ZEB1: variants seen among roughly 807,000 people sequenced by gnomAD.
The protein encoded by ZEB1 is zinc finger E-box binding homeobox 1, also known as zinc finger E-box-binding homeobox 1.
A neutral mutation model predicts 84.9 loss-of-function variants in ZEB1; 21 were observed. The observed-to-expected ratio is 0.25, with a 90% CI of 0.18 to 0.36. The LOEUF is 0.36. ZEB1 is among the 10% of genes least tolerant of loss of function. The pLI, the probability that ZEB1 is intolerant of heterozygous loss-of-function variation, is 1.00. For synonymous variants in ZEB1, 420 were observed against 471.1 expected (o/e 0.89, Z 1.41); for missense variants, 1,104 against 1,330.2 (o/e 0.83, Z 2.65).
intron 1 of ZEB1, among the ~76,000 whole-genome samples, chr10:31,449,062 G>A (rs1391938799): frequency 1.3e-5 from 2 of 152,210 alleles, no homozygotes; most frequent in African/African-American, 4.8e-5. Context: ...AGCAACCAGC[G>A]AGACTCCGTG....
chr10:31,469,866 G>C lies in ZEB1; in HGVS notation c.259+8629G>C, dbSNP rs137879273. On this transcript the variant is annotated intron_variant, in intron 2 of 8. Transcript: ENST00000424869. ...TCTCCCAGTACGCAGCTGGAGATCT[G>C]AGAACGGGTAGACTGCCTCCTCAAG... Among the ~76,000 whole-genome samples, 1,017 of 152,326 alleles carry C rather than the reference G, an allele frequency of 6.7e-3. 14 individuals are homozygous for C. The highest frequency in any genetic ancestry group is 0.024 in the African/African-American group (983 of 41,560).
chr10:31,370,615 T>A (rs2045524888), intron 1 of ZEB1, among the ~76,000 whole-genome samples: 1 of 152,242 alleles, frequency 6.6e-6, no homozygotes. Context: ...ACTTTATGAA[T>A]TGACTTTTTG....
chr10:31,423,933 T>G (rs868041369), intron 1 of ZEB1, among the ~76,000 whole-genome samples: 3 of 152,056 alleles, frequency 2.0e-5, no homozygotes, highest in Non-Finnish European at 4.4e-5. Flanking sequence ...AAGGATAGTT[T>G]ATATGTTTCT....
chr10:31,468,365 C>T (rs968605645), intron 2 of ZEB1, among the ~76,000 whole-genome samples: 2 of 152,186 alleles, frequency 1.3e-5, no homozygotes, highest in African/African-American at 4.8e-5. Context: ...CCAGCATCAC[C>T]TACTGGCCAG....
At position 31,441,964 on chromosome 10, in the gene ZEB1, T is replaced by C. The variant is rs943260060; in HGVS notation, c.59-19073T>C. ...AACACTTTTACACTGTTGGTGGGAC[T>C]GTAAACTAGTTCAACCATTGTGGAA... is the stretch of plus-strand genomic sequence containing the variant. On this transcript the variant is annotated intron_variant, in intron 1 of 8. Transcript: ENST00000424869. Among the ~76,000 whole-genome samples the C allele has an allele frequency of 2.8e-4, 43 of 152,364 alleles. 4 individuals are homozygous for C. Among genetic ancestry groups the C allele is most frequent in the African/African-American group, 1.0e-3 (43 of 41,590 alleles).
At chr10:31,363,649 A>G in intron 1 of ZEB1, 3 of 1,457,482 alleles carry the variant, frequency 2.1e-6, no homozygotes, top group Middle Eastern at 1.7e-4. Context: ...TAATGAAGGA[A>G]GTTGAAGGTT....
chr10:31,510,834 C>G lies in ZEB1; in HGVS notation c.646C>G (p.Leu216Val). 1 of 1,613,946 alleles carries G rather than the reference C, an allele frequency of 6.2e-7. No individual in the cohort carries two copies. The highest frequency in any genetic ancestry group is 8.5e-7 in the Non-Finnish European group (1 of 1,179,904). Reference protein sequence around the residue: ...CSYTFAYRTQLERHMTSHKSG... With the variant: ...CSYTFAYRTQVERHMTSHKSG... The stretch of plus-strand genomic sequence containing the variant: ...TTACACCTTTGCATACAGAACCCAA[C>G]TTGAACGTCACATGACATCACATAA... Residue 216 changes from leucine to valine, a missense_variant, in exon 5 of 9, where the codon CTT (leucine) becomes GTT (valine). Transcript: ENST00000424869.
chr10:31,401,300 A>G (rs1047765592), intron 1 of ZEB1, among the ~76,000 whole-genome samples: 5 of 152,226 alleles, frequency 3.3e-5, no homozygotes, highest in Non-Finnish European at 5.9e-5. Flanking sequence ...CATAATTACT[A>G]TTATACAAGT....
intron 1 of ZEB1, among the ~76,000 whole-genome samples, chr10:31,447,732 G>T (rs1329295855): frequency 6.6e-6 from 1 of 151,990 alleles, no homozygotes; most frequent in Non-Finnish European, 1.5e-5. Context: ...TAAGAATGTT[G>T]AATATTGGCC....
At chr10:31,462,956 C>T (rs2061981519) in intron 2 of ZEB1, among the ~76,000 whole-genome samples, 1 of 152,058 alleles carries the variant, frequency 6.6e-6, no homozygotes, top group Non-Finnish European at 1.5e-5. Context: ...TTGGAAAGGG[C>T]TGTTTTTAGA....
intron 2 of ZEB1, among the ~76,000 whole-genome samples, chr10:31,486,991 G>T (rs2065843339): frequency 6.6e-6 from 1 of 151,294 alleles, no homozygotes; most frequent in African/African-American, 2.4e-5. Flanking sequence ...ATGTCCAATT[G>T]TGCCAATACT....
Position 31,504,874 on chromosome 10 carries a change from T to C in ZEB1, c.484+2365T>C, listed in dbSNP as rs527764998. On this transcript the variant is annotated intron_variant, in intron 4 of 8. Coordinates refer to ENST00000424869, the MANE Select transcript of ZEB1 (RefSeq NM_001174096.2). ...TGTGTCTTTAGGTTTTTCTAGATAT[T>C]AGATCATATAGTCTGCAAAGAGAGA... 2.0e-5 allele frequency among the ~76,000 whole-genome samples: 3 copies of C among 152,230 alleles called. No homozygotes were observed. In the East Asian group the frequency reaches 5.8e-4, roughly 29 times the overall value.
intron 1 of ZEB1, among the ~76,000 whole-genome samples, chr10:31,374,149 A>C (rs1271828710): frequency 6.6e-6 from 1 of 151,830 alleles, no homozygotes; most frequent in Non-Finnish European, 1.5e-5. Flanking sequence ...TTAATAATAG[A>C]TTATAATTCT....
chr10:31,452,227 T>G (rs1456901395), intron 1 of ZEB1, among the ~76,000 whole-genome samples: 1 of 152,162 alleles, frequency 6.6e-6, no homozygotes, highest in East Asian at 1.9e-4. Flanking sequence ...AAAACCATTA[T>G]GATACCTATT....
rs534290693 is a variant in ZEB1 at position 31,416,784 on chromosome 10, A to G, written c.59-44253A>G. 9.4e-4 allele frequency among the ~76,000 whole-genome samples: 143 copies of G among 152,272 alleles called. 2 individuals carry two copies. Among genetic ancestry groups the G allele is most frequent in the African/African-American group, 3.4e-3 (140 of 41,556 alleles). ...TCAAAAACATGGGCACATATTTACC[A>G]AATTAAACGCTTTCATCAAACATCT... On this transcript the variant is annotated intron_variant, in intron 1 of 8. Coordinates refer to ENST00000424869, the MANE Select transcript of ZEB1 (RefSeq NM_001174096.2).
At chr10:31,346,480 T>G (rs1244312839) in intron 1 of ZEB1, among the ~76,000 whole-genome samples, 2 of 152,154 alleles carry the variant, frequency 1.3e-5, no homozygotes, top group Non-Finnish European at 2.9e-5. Flanking sequence ...CCTTAATGAT[T>G]TATTTTAAAT....
intron 1 of ZEB1, among the ~76,000 whole-genome samples, chr10:31,354,695 C>A (rs868636250): frequency 6.6e-6 from 1 of 152,092 alleles, no homozygotes; most frequent in Non-Finnish European, 1.5e-5. Context: ...TGAAAGTCAT[C>A]CAGAAGACTT....
In ZEB1 at chr10:31,527,251, C is replaced by G; in HGVS notation, c.3365C>G (p.Thr1122Arg). Reference protein sequence around the residue: ...ESSEQVSEEKTNEA With the variant: ...ESSEQVSEEKRNEA ...AGTGAGCAAGTGTCTGAAGAAAAGA[C>G]AAATGAAGCCTAATCGTTTTTCTAG... Residue 1122 changes from threonine (T) to arginine (R), a missense_variant, in exon 9 of 9, where the codon ACA (threonine) becomes AGA (arginine). Thr to Arg is a moderately conservative substitution (Grantham distance 71). Transcript: ENST00000424869. 6.2e-7 allele frequency: 1 copy of G among 1,605,918 alleles called. No individual in the cohort carries two copies. The highest frequency in any genetic ancestry group is 8.5e-7 in the Non-Finnish European group (1 of 1,177,100).
At chr10:31,480,708 C>A (rs1334344362) in intron 2 of ZEB1, among the ~76,000 whole-genome samples, 1 of 151,886 alleles carries the variant, frequency 6.6e-6, no homozygotes, top group Non-Finnish European at 1.5e-5. Context: ...AATGTTGAAC[C>A]TTGGTGTACA....
Sources: gnomAD v4.1 joint callset for allele counts (sites outside exome capture counted in the v4.1 genomes callset) on GRCh38, gnomAD v4.1.1 for gene constraint, MANE v1.5 for transcripts, NCBI Gene and HGNC (gene_info 2026-07-23, HGNC 2026-07-21) for gene names.